SMYD4: variants seen among roughly 807,000 people sequenced by gnomAD.
SMYD4 encodes protein-lysine N-methyltransferase SMYD4.
A neutral mutation model predicts 72.8 loss-of-function variants in SMYD4; 68 were observed. The ratio of observed to expected loss-of-function variants is 0.93; its 90% CI spans 0.77 to 1.14. The LOEUF is 1.14. Among genes scored for constraint, SMYD4 ranks in the 50% most tolerant of loss-of-function variants. SMYD4 has a pLI of 0.00. For synonymous variants in SMYD4, 407 were observed against 388.6 expected (o/e 1.05, Z -0.56); for missense variants, 984 against 1,003.7 (o/e 0.98, Z 0.27).
intron 5 of SMYD4, among the ~76,000 whole-genome samples, chr17:1,794,436 C>A (rs1909286231): frequency 1.3e-5 from 2 of 151,554 alleles, no homozygotes; most frequent in African/African-American, 4.8e-5. Context: ...ATCTTCCTAA[C>A]CAATTATGGT....
intron 10 of SMYD4, 108 bp from the exon 11 acceptor site, chr17:1,781,547 G>A (rs1209146252): frequency 1.2e-5 from 16 of 1,312,878 alleles, no homozygotes; most frequent in Non-Finnish European, 1.4e-5. Flanking sequence ...CTGTCATCAA[G>A]GATCCTACAA....
intron 7 of SMYD4, 170 bp from the exon 8 acceptor site, chr17:1,784,631 G>A (rs768890924): frequency 1.1e-5 from 10 of 938,618 alleles, no homozygotes; most frequent in Non-Finnish European, 1.3e-5. Flanking sequence ...GGCGGCAATG[G>A]CGGCAATTCT....
At chr17:1,790,173 G>C (rs1908944442) in intron 5 of SMYD4, among the ~76,000 whole-genome samples, 1 of 152,130 alleles carries the variant, frequency 6.6e-6, no homozygotes, top group African/African-American at 2.4e-5. Context: ...ATCTATATTA[G>C]AACCATTGCT....
chr17:1,801,625 GAAAAAAAAA>G (rs551608562), intron 4 of SMYD4, among the ~76,000 whole-genome samples: 1 of 89,994 alleles, frequency 1.1e-5, no homozygotes, highest in Non-Finnish European at 2.1e-5. Context: ...GGCAGGCTTT[GAAAAAAAAA>G]AAAAAAAAAA....
At position 1,812,003 on chromosome 17, in the gene SMYD4, C is replaced by A; in HGVS notation, c.247G>T (p.Asp83Tyr). The A allele has an allele frequency of 6.2e-7, 1 of 1,614,112 alleles. No individual in the cohort carries two copies. Among genetic ancestry groups the A allele is most frequent in the South Asian group, 1.1e-5 (1 of 91,076 alleles). The stretch of plus-strand genomic sequence containing the variant: ...TACAGCACTGCAGCTCCTGTGTAAT[C>A]TTTCTCCTGAAATTTTTTGTTTCCT... ...EEGNKKFQEK[D>Y]YTGAAVLYSK... is the part of the protein sequence containing the mutation. The change falls in exon 3 of 11, where the codon GAT (aspartate) becomes TAT (tyrosine). Residue 83 changes from aspartate (D) to tyrosine (Y), a missense_variant. Physicochemically the swap from Asp to Tyr is radical, Grantham distance 160. Transcript: ENST00000305513.
At chr17:1,792,717 G>T (rs565778446) in intron 5 of SMYD4, among the ~76,000 whole-genome samples, 1 of 152,250 alleles carries the variant, frequency 6.6e-6, no homozygotes, top group East Asian at 1.9e-4. Flanking sequence ...TTAATTACTA[G>T]AGAGGTTAGA....
chr17:1,812,177 A>G (rs1597390542), intron 2 of SMYD4, 62 bp from the exon 3 acceptor site: 1 of 1,570,776 alleles, frequency 6.4e-7, no homozygotes, highest in Non-Finnish European at 8.6e-7. Flanking sequence ...AAAGCTCTAA[A>G]CCATTGCCCT....
chr17:1,783,489 A>T lies in SMYD4; in HGVS notation c.2021-13T>A. The T allele has an allele frequency of 6.3e-7, 1 of 1,594,200 alleles. No homozygotes were observed. The highest frequency in any genetic ancestry group is 8.5e-7 in the Non-Finnish European group (1 of 1,170,368). On this transcript the variant is annotated splice_polypyrimidine_tract_variant and intron_variant, in intron 8 of 10. Transcript: ENST00000305513. Reference sequence around the variant, plus strand: ...TGAACAGCTCGCTCTGTCAATGCAGAGGAAAGACGTCTCACTATAGACAGA... The same window carrying T: ...TGAACAGCTCGCTCTGTCAATGCAGTGGAAAGACGTCTCACTATAGACAGA...
At chr17:1,828,283 G>A (rs577760335) in intron 1 of SMYD4, among the ~76,000 whole-genome samples, 5 of 151,474 alleles carry the variant, frequency 3.3e-5, no homozygotes, top group Admixed American at 1.3e-4. Context: ...CTGGGGAGGC[G>A]GAGGTTGCAG....
chr17:1,798,589 C>G (rs1909530576), intron 5 of SMYD4, among the ~76,000 whole-genome samples: 1 of 151,660 alleles, frequency 6.6e-6, no homozygotes, highest in African/African-American at 2.4e-5. Flanking sequence ...ATAGCAAGTC[C>G]TCATCTCTAT....
chr17:1,811,701 C>A (rs1201718668), intron 3 of SMYD4, among the ~76,000 whole-genome samples: 1 of 151,956 alleles, frequency 6.6e-6, no homozygotes, highest in African/African-American at 2.4e-5. Flanking sequence ...CTGAGGCGGG[C>A]GCAACACCTG....
At position 1,783,389 on chromosome 17, in the gene SMYD4, T is replaced by C. The variant is rs1002605757; in HGVS notation, c.2108A>G (p.Asp703Gly). 7 of 1,612,412 alleles carry C rather than the reference T, an allele frequency of 4.3e-6. No individual in the cohort carries two copies. Among genetic ancestry groups the C allele is most frequent in the Admixed American group, 3.3e-5 (2 of 60,000 alleles). ...AEHAVVGEIADGLARACAALG... is the reference protein window; with the variant it reads ...AEHAVVGEIAGGLARACAALG... The stretch of plus-strand genomic sequence containing the variant: ...GGCAGCACAGGCCCGGGCCAGGCCA[T>C]CCGCGATCTCTCCCACCACGGCGTG... Residue 703 changes from aspartate to glycine, a missense_variant, in exon 9 of 11, where the codon GAT becomes GGT. Physicochemically the swap from Asp to Gly is moderately conservative, Grantham distance 94. Coordinates refer to ENST00000305513, the MANE Select transcript of SMYD4 (RefSeq NM_052928.3).
At chr17:1,807,423 C>A (rs921145221) in intron 3 of SMYD4, among the ~76,000 whole-genome samples, 1 of 151,922 alleles carries the variant, frequency 6.6e-6, no homozygotes, top group Non-Finnish European at 1.5e-5. Flanking sequence ...GTACCGCCCC[C>A]CCCGGCCCCC....
chr17:1,819,524 T>C (rs1910789705), intron 2 of SMYD4, among the ~76,000 whole-genome samples: 1 of 152,168 alleles, frequency 6.6e-6, no homozygotes, highest in Admixed American at 6.6e-5. Flanking sequence ...CTTTCCCTTG[T>C]ACTTAAATAC....
chr17:1,809,984 G>A (rs1910248115), intron 3 of SMYD4, among the ~76,000 whole-genome samples: 1 of 151,888 alleles, frequency 6.6e-6, no homozygotes, highest in Admixed American at 6.6e-5. Flanking sequence ...TTTTACAGAT[G>A]GGGTCTTGCT....
intron 5 of SMYD4, among the ~76,000 whole-genome samples, chr17:1,790,797 C>A (rs1597371160): frequency 6.6e-6 from 1 of 151,808 alleles, no homozygotes; most frequent in South Asian, 2.1e-4. Flanking sequence ...AAGCCATGCC[C>A]ATCCCTGGTG....
At position 1,827,869 on chromosome 17, in the gene SMYD4, T is replaced by A; in HGVS notation, c.126A>T (p.Ser42=). 3 of 1,602,390 alleles carry A rather than the reference T, an allele frequency of 1.9e-6. No individual in the cohort carries two copies. The highest frequency in any genetic ancestry group is 2.6e-6 in the Non-Finnish European group (3 of 1,170,314). Residue 42 remains serine, a synonymous_variant, in exon 2 of 11, where the codon TCA becomes TCT. Coordinates refer to ENST00000305513, the MANE Select transcript of SMYD4 (RefSeq NM_052928.3). The part of the protein sequence containing the change: ...TLRDIFLHSS[S]LLQPEDELFL... ...AAGCTTGATTTACTTACTGAAGAAG[T>A]GAAGAGGAGTGAAGAAAGATATCCC...
intron 5 of SMYD4, among the ~76,000 whole-genome samples, chr17:1,795,443 CTAATCATCT>C (rs1268911240): frequency 1.3e-3 from 193 of 149,802 alleles, no homozygotes; most frequent in African/African-American, 4.6e-3. Context: ...ATCTATCTAT[CTAATCATCT>C]ATCTATCTAT....
At chr17:1,793,080 G>A (rs1214395820) in intron 5 of SMYD4, among the ~76,000 whole-genome samples, 1 of 152,036 alleles carries the variant, frequency 6.6e-6, no homozygotes, top group Non-Finnish European at 1.5e-5. Flanking sequence ...ACCACACTCA[G>A]CTAATTTTTG....
Sources: gnomAD v4.1 joint callset for allele counts (sites outside exome capture counted in the v4.1 genomes callset) on GRCh38, gnomAD v4.1.1 for gene constraint, MANE v1.5 for transcripts, NCBI Gene and HGNC (gene_info 2026-07-23, HGNC 2026-07-21) for gene names.